ABCA2: variants seen among roughly 807,000 people sequenced by gnomAD.
ABCA2 encodes ATP-binding cassette sub-family A member 2.
In ABCA2, 84 loss-of-function variants were observed where a neutral mutation model predicts 262.8. That is an observed-to-expected ratio of 0.32 (90% CI 0.27 to 0.38). ABCA2 has a LOEUF of 0.38. Among genes scored for constraint, ABCA2 ranks in the 10% least tolerant of loss-of-function variants. The pLI, the probability that ABCA2 is intolerant of heterozygous loss-of-function variation, is 1.00. For synonymous variants in ABCA2, 1,696 were observed against 1,502.9 expected (o/e 1.13, Z -2.97); for missense variants, 2,662 against 3,405.9 (o/e 0.78, Z 5.44).
Position 137,011,528 on chromosome 9 carries a change from G to A in ABCA2, c.5678C>T (p.Pro1893Leu), listed in dbSNP as rs1206494856. ...YGWSITPIMYPASFWFEVPSS... is the reference protein window; with the variant it reads ...YGWSITPIMYLASFWFEVPSS... ...GGGGACCTCGAACCAGAAGGAGGCC[G>A]GGTACATGATGGGCGTGATGGACCA... Residue 1893 changes from proline (P) to leucine (L), a missense_variant, in exon 37 of 49, where the codon CCG (proline) becomes CTG (leucine). Physicochemically the swap from Pro to Leu is moderately conservative, Grantham distance 98. Coordinates refer to ENST00000341511, the MANE Select transcript of ABCA2 (RefSeq NM_001606.5). This position sits in a 1 kb window ranked among gnomAD's most constrained non-coding sequence, Gnocchi z 8.8. 4 of 1,590,354 alleles carry A rather than the reference G, an allele frequency of 2.5e-6. No individual in the cohort carries two copies. Among genetic ancestry groups the A allele is most frequent in the Admixed American group, 1.8e-5 (1 of 56,356 alleles).
In ABCA2 at chr9:137,012,037, C is replaced by G. The variant is rs372181239; in HGVS notation, c.5361-19G>C. 6 of 1,612,238 alleles carry G rather than the reference C, an allele frequency of 3.7e-6. No homozygotes were observed. The African/African-American group carries it at 6.7e-5, about 18-fold the overall frequency. On this transcript the variant is annotated intron_variant, in intron 34 of 48. Transcript: ENST00000341511. ...CTGCAGCCTGGGGCAAGGAAGCCCTCAGTCCTCACGGCCGGGGCTGCAGTG... is the reference window on the plus strand; with the variant it reads ...CTGCAGCCTGGGGCAAGGAAGCCCTGAGTCCTCACGGCCGGGGCTGCAGTG...
rs763468431 is a variant in ABCA2 at position 137,012,273 on chromosome 9, G to T, written c.5291C>A (p.Ala1764Glu). 10 of 1,354,034 alleles carry T rather than the reference G, an allele frequency of 7.4e-6. 1 individual carries two copies. In the South Asian group the frequency reaches 1.0e-4, roughly 14 times the overall value. 83.9% of individuals were successfully genotyped at this position (1,354,034 alleles called of 1,614,324 possible). ...TGCCTATGTCAGCTCACCGTAAGCC[G>T]CCGGGTTGCCCTTGCTCTTGGGCAG... Reference protein sequence around the residue: ...ANLPKSKGNPAAYGITVTNHP... With the variant: ...ANLPKSKGNPEAYGITVTNHP... The change falls in exon 33 of 49, where the codon GCG becomes GAG. Residue 1764 changes from alanine to glutamate, a missense_variant. Physicochemically the swap from Ala to Glu is moderately radical, Grantham distance 107 (BLOSUM62 -1). Around this residue, in one of 12 missense-constraint regions of ABCA2, gnomAD observed 602 missense variants for 897.4 expected, o/e 0.67. Coordinates refer to ENST00000341511, the MANE Select transcript of ABCA2 (RefSeq NM_001606.5).
chr9:137,023,939 T>C (rs974549795), intron 2 of ABCA2, 99 bp from the exon 3 acceptor site: 18 of 1,368,920 alleles, frequency 1.3e-5, no homozygotes, highest in Admixed American at 3.9e-5. Flanking sequence ...GGAAGAGGCG[T>C]TGGCATCATC....
rs1831283644 is a variant in ABCA2, at chr9:137,017,079, C to T, written c.2599G>A (p.Ala867Thr). The T allele has an allele frequency of 3.1e-6, 5 of 1,612,596 alleles. No homozygotes were observed. Among genetic ancestry groups the T allele is most frequent in the African/African-American group, 1.3e-5 (1 of 74,904 alleles). The stretch of plus-strand genomic sequence containing the variant: ...CCCACGCCGGCCACCTCATACAGCG[C>T]GAAGTACTTAGAGCCCAGACCAAAG... ...TAFGLGSKYF[A>T]LYEVAGVGIQ... The change falls in exon 19 of 49, where the codon GCG becomes ACG. Residue 867 changes from alanine to threonine, a missense_variant. By Grantham distance (58) the Ala-to-Thr change is moderately conservative. Coordinates refer to ENST00000341511, the MANE Select transcript of ABCA2 (RefSeq NM_001606.5).
Position 137,010,601 on chromosome 9 carries a change from CTA to C in ABCA2, c.6174+17_6174+18del. 2.0e-5 allele frequency: 32 copies of C among 1,577,082 alleles called. No individual in the cohort carries two copies. The highest frequency in any genetic ancestry group is 2.5e-5 in the Non-Finnish European group (29 of 1,147,892). ...TGGCCTACCCCACCCAGGCCCCACC[CTA>C]CATGCCCAGAGCCCACCTTGGTCAG... On this transcript the variant is annotated intron_variant, in intron 40 of 48. Coordinates refer to ENST00000341511, the MANE Select transcript of ABCA2 (RefSeq NM_001606.5).
chr9:137,020,289 C>G, intron 10 of ABCA2, 47 bp downstream of exon 10: 1 of 1,606,794 alleles, frequency 6.2e-7, no homozygotes, highest in South Asian at 1.1e-5. Context: ...TGCAGAGACC[C>G]CCTCCCACTC....
At position 137,008,959 on chromosome 9, in the gene ABCA2, T is replaced by C. The variant is rs1260696524; in HGVS notation, c.6922A>G (p.Met2308Val). ...RFFNRNFPEAMLKERHHTKVQ... is the reference protein window; with the variant it reads ...RFFNRNFPEAVLKERHHTKVQ... ...TGCCCGGGACGGCGCACCTTGAGCA[T>C]GGCTTCCGGGAAGTTGCGGTTGAAG... The change falls in exon 46 of 49, where the codon ATG (methionine) becomes GTG (valine). Residue 2308 changes from methionine to valine, a missense_variant. Transcript: ENST00000341511. 1 of 1,541,402 alleles carries C rather than the reference T, an allele frequency of 6.5e-7. No homozygotes were observed. Among genetic ancestry groups the C allele is most frequent in the Non-Finnish European group, 8.7e-7 (1 of 1,148,992 alleles).
chr9:137,021,071 A>C lies in ABCA2; in HGVS notation c.898-10T>G. On this transcript the variant is annotated splice_polypyrimidine_tract_variant and intron_variant, in intron 8 of 48. Coordinates refer to ENST00000341511, the MANE Select transcript of ABCA2 (RefSeq NM_001606.5). This position sits in a 1 kb window ranked among gnomAD's most constrained non-coding sequence, Gnocchi z 6.0. ...GGGCATCCAGGCCCAGCTGAGGGGA[A>C]ACAGGCACGTGGGCAGTGCGGGGTG... 2.0e-6 allele frequency: 3 copies of C among 1,472,454 alleles called. No individual in the cohort carries two copies. The highest frequency in any genetic ancestry group is 2.7e-6 in the Non-Finnish European group (3 of 1,110,496). 91.2% of individuals were successfully genotyped at this position (1,472,454 alleles called of 1,614,324 possible).
chr9:137,012,644 G>A (rs906308227), intron 31 of ABCA2, 54 bp from the exon 32 acceptor site: 15 of 1,610,098 alleles, frequency 9.3e-6, no homozygotes, highest in African/African-American at 1.3e-5. Flanking sequence ...GAGGCTAGAG[G>A]GGCAGGAGTT....
chr9:137,008,754 C>G lies in ABCA2; in HGVS notation c.7045G>C (p.Val2349Leu). 6.3e-7 allele frequency: 1 copy of G among 1,587,026 alleles called. No homozygotes were observed. Among genetic ancestry groups the G allele is most frequent in the Non-Finnish European group, 8.6e-7 (1 of 1,168,080 alleles). The change falls in exon 47 of 49, where the codon GTC becomes CTC. Residue 2349 changes from valine (V) to leucine (L), a missense_variant. Physicochemically the swap from Val to Leu is conservative, Grantham distance 32. Around this residue, in one of 12 missense-constraint regions of ABCA2, gnomAD observed 212 missense variants for 214.4 expected, o/e 0.99. Transcript: ENST00000341511. Reference protein sequence around the residue: ...SGVLGIEDYSVSQTTLDNVFV... With the variant: ...SGVLGIEDYSLSQTTLDNVFV... ...ACATTGTCCAGTGTGGTCTGGCTGA[C>G]CGAGTAGTCCTCGATGCCCAGCACG...
intron 29 of ABCA2, 45 bp downstream of exon 29, chr9:137,013,416 T>G: frequency 4.8e-6 from 5 of 1,041,242 alleles, no homozygotes; most frequent in South Asian, 1.4e-5. Flanking sequence ...TCCCCGCCCC[T>G]TCACTCGCCC....
At chr9:137,015,895 G>C (rs753852159) in intron 22 of ABCA2, 24 bp from the exon 23 acceptor site, 1 of 1,607,584 alleles carries the variant, frequency 6.2e-7, no homozygotes, top group African/African-American at 1.3e-5. Flanking sequence ...GTGGGGCATG[G>C]GGCTGCTGCT....
chr9:137,008,403 G>A lies in ABCA2; in HGVS notation c.7275+13C>T, dbSNP rs1588503986. On this transcript the variant is annotated intron_variant, in intron 48 of 48. Coordinates refer to ENST00000341511, the MANE Select transcript of ABCA2 (RefSeq NM_001606.5). ...GGCAGAGCCCTGGACAGCCATGAGA[G>A]CAGCCTGCTCACCCGCTCCTCCTCG... 1 of 1,549,244 alleles carries A rather than the reference G, an allele frequency of 6.5e-7. No individual in the cohort carries two copies. Among genetic ancestry groups the A allele is most frequent in the East Asian group, 2.4e-5 (1 of 40,920 alleles).
At chr9:137,010,777 C>T (rs748588348) in intron 39 of ABCA2, 40 bp from the exon 40 acceptor site, 1 of 1,575,460 alleles carries the variant, frequency 6.3e-7, no homozygotes, top group East Asian at 2.3e-5. Context: ...AGCTCGCCAC[C>T]CCCACTGCCC....
chr9:137,020,595 G>C, intron 9 of ABCA2, 99 bp downstream of exon 9: 1 of 1,552,084 alleles, frequency 6.4e-7, no homozygotes, highest in South Asian at 1.2e-5. Context: ...GCACAGGGCA[G>C]GGCGCCAAAT....
At chr9:137,009,714 T>C in intron 43 of ABCA2, 55 bp downstream of exon 43, 1 of 1,610,120 alleles carries the variant, frequency 6.2e-7, no homozygotes, top group Non-Finnish European at 8.5e-7. Flanking sequence ...CCCCTGCCCG[T>C]GCTCACCAGG....
Position 137,012,453 on chromosome 9 carries a change from A to G in ABCA2, c.5187+32T>C, listed in dbSNP as rs201847602. 859 of 1,609,592 alleles carry G rather than the reference A, an allele frequency of 5.3e-4. 5 individuals are homozygous for G. In the African/African-American group the frequency reaches 0.01, roughly 19 times the overall value. ...CTGCAGACCTCGGGCGGCGCTACAC[A>G]CAGCGGGGCCCAGGCCCGCAGCCTC... On this transcript the variant is annotated intron_variant, in intron 32 of 48. Transcript: ENST00000341511.
At chr9:137,013,435 A>G in intron 29 of ABCA2, 26 bp downstream of exon 29, 1 of 1,531,848 alleles carries the variant, frequency 6.5e-7, no homozygotes, top group Non-Finnish European at 8.8e-7. Context: ...CCCACCCACC[A>G]AGGCTGCCCC....
At chr9:137,018,593 G>A in intron 13 of ABCA2, 126 bp downstream of exon 13, 5 of 753,334 alleles carry the variant, frequency 6.6e-6, no homozygotes, top group Non-Finnish European at 1.1e-5. Context: ...GGGAGGGGAA[G>A]TGGCGGGTGA....
Sources: gnomAD v4.1 joint callset for allele counts on GRCh38, gnomAD v4.1.1 for gene constraint, gnomAD v4.1.1 regional missense constraint, Gnocchi (gnomAD v3.1) non-coding constraint, MANE v1.5 for transcripts, NCBI Gene and HGNC (gene_info 2026-07-23, HGNC 2026-07-21) for gene names.